Variants in ZNF331 observed in about 807,000 individuals in gnomAD.
ZNF331 encodes the protein zinc finger protein 331.
ZNF331 carries 2 observed loss-of-function variants against 7.0 expected under a neutral mutation model. The observed-to-expected ratio is 0.29, with a 90% CI of 0.12 to 0.90. ZNF331 has a LOEUF of 0.90. ZNF331 is among the 40% of genes least tolerant of loss of function. The probability of loss-of-function intolerance (pLI) is 0.58; values close to 1 mark genes in which losing one functional copy is unlikely to be tolerated. For synonymous variants in ZNF331, 196 were observed against 205.4 expected, an observed-to-expected ratio of 0.95 and a Z score of 0.39; for missense variants, 432 against 587.7, an observed-to-expected ratio of 0.74 and a Z score of 2.74.
intron 2 of ZNF331, among the ~76,000 whole-genome samples, chr19:53,543,099 G>A (rs7254740): frequency 0.09 from 13,472 of 150,364 alleles, 752 homozygotes; most frequent in African/African-American, 0.17. Flanking sequence ...ATGAGCCACC[G>A]CGCCCAGTGG....
chr19:53,504,721 A>G, the ZNF331 span, among the ~76,000 whole-genome samples: 5 of 152,204 alleles, frequency 3.3e-5, no homozygotes, highest in African/African-American at 7.2e-5. Context: ...TAAACTGACA[A>G]TCTTACTTGT....
At chr19:53,528,054 C>G (rs558244668) in intron 2 of ZNF331, among the ~76,000 whole-genome samples, 64 of 152,280 alleles carry the variant, frequency 4.2e-4, no homozygotes, top group African/African-American at 1.5e-3. Context: ...AATAATTACA[C>G]GAATCTCCCA....
intron 2 of ZNF331, among the ~76,000 whole-genome samples, chr19:53,540,729 C>A (rs1480186073): frequency 6.6e-6 from 1 of 151,976 alleles, no homozygotes; most frequent in African/African-American, 2.4e-5. Context: ...AGCCACCGAG[C>A]CTGCCCTGTG....
chr19:53,543,583 A>T (rs2088337411), intron 2 of ZNF331, among the ~76,000 whole-genome samples: 1 of 152,204 alleles, frequency 6.6e-6, no homozygotes. Flanking sequence ...TGAATTTTTT[A>T]AAAATAAAAA....
chr19:53,567,069 T>C (rs1806914982), intron 3 of ZNF331, among the ~76,000 whole-genome samples: 1 of 152,178 alleles, frequency 6.6e-6, no homozygotes, highest in African/African-American at 2.4e-5. Context: ...AACCTAACTT[T>C]ACTGAGAGTA....
At chr19:53,510,989 A>G in the ZNF331 span, among the ~76,000 whole-genome samples, 4 of 152,150 alleles carry the variant, frequency 2.6e-5, no homozygotes, top group African/African-American at 9.7e-5. Flanking sequence ...TGCTGCGTGT[A>G]ATTTAAGGCC....
chr19:53,544,088 G>C (rs1233113886), intron 2 of ZNF331, among the ~76,000 whole-genome samples: 1 of 150,904 alleles, frequency 6.6e-6, no homozygotes, highest in South Asian at 2.1e-4. Context: ...TTGGCTGGGC[G>C]TGGTGGCATG....
intron 2 of ZNF331, among the ~76,000 whole-genome samples, chr19:53,531,731 C>T (rs538689956): frequency 1.3e-5 from 2 of 152,214 alleles, no homozygotes; most frequent in Admixed American, 1.3e-4. Flanking sequence ...TTTCTGTTTA[C>T]TAGATTTTCT....
At position 53,573,386 on chromosome 19, in the gene ZNF331, A is replaced by G. The variant is rs1199302314; in HGVS notation, c.136+1656A>G. ...AAAAATTTGCCGGGTGTGGTGGCGC[A>G]TGCCTGTAATTCCAGCTACTTGGGA... On this transcript the variant is annotated intron_variant, in intron 5 of 5. Transcript: ENST00000449416. The surrounding 1 kb of genome is among the most constrained non-coding windows in gnomAD (Gnocchi z 4.2). Among the ~76,000 whole-genome samples, 2 of 152,096 alleles carry G rather than the reference A, an allele frequency of 1.3e-5. No individual in the cohort carries two copies. Among genetic ancestry groups the G allele is most frequent in the Non-Finnish European group, 2.9e-5 (2 of 68,016 alleles).
At chr19:53,574,392 C>T (rs908241849) in intron 5 of ZNF331, among the ~76,000 whole-genome samples, 1 of 152,106 alleles carries the variant, frequency 6.6e-6, no homozygotes, top group Non-Finnish European at 1.5e-5. Flanking sequence ...GGAGAGCTTT[C>T]TCCAAGAGCT....
At chr19:53,540,544 C>T (rs1403654345) in intron 2 of ZNF331, among the ~76,000 whole-genome samples, 2 of 152,072 alleles carry the variant, frequency 1.3e-5, no homozygotes, top group South Asian at 2.1e-4. Flanking sequence ...GTGATTCTCC[C>T]GCCTCAGCCT....
intron 2 of ZNF331, among the ~76,000 whole-genome samples, chr19:53,541,446 G>GT (rs2088173733): frequency 6.6e-6 from 1 of 151,596 alleles, no homozygotes; most frequent in Non-Finnish European, 1.5e-5. Context: ...GTTTTGTTTT[G>GT]TTTTTTCCTT....
At position 53,579,740 on chromosome 19, in the gene ZNF331, CATAA is replaced by C. The variant is rs1188684193; in HGVS notation, c.*1790_*1793del. ...TTCTTAGTACACAAAACACAGCAAA[CATAA>C]AAAGTTGTTACACTTCATCAAAAGT... On this transcript the variant is annotated 3_prime_UTR_variant, in exon 6 of 6. Coordinates refer to ENST00000449416, the MANE Select transcript of ZNF331 (RefSeq NM_001079906.2). The C allele has an allele frequency of 5.1e-5, 10 of 197,188 alleles. No individual in the cohort carries two copies. Among genetic ancestry groups the C allele is most frequent in the Non-Finnish European group, 7.3e-5 (7 of 95,274 alleles). 12.2% of individuals were successfully genotyped at this position (197,188 alleles called of 1,614,324 possible).
At chr19:53,506,225 C>G in the ZNF331 span, among the ~76,000 whole-genome samples, 1 of 130,720 alleles carries the variant, frequency 7.6e-6, no homozygotes, top group Non-Finnish European at 1.6e-5. Flanking sequence ...ATCCCAGCTA[C>G]TCGGGAGGCT....
chr19:53,550,365 C>T (rs2088900630), intron 2 of ZNF331, among the ~76,000 whole-genome samples: 1 of 151,904 alleles, frequency 6.6e-6, no homozygotes, highest in African/African-American at 2.4e-5. Context: ...AAAATCTAAC[C>T]CTCCCTTGAG....
chr19:53,509,441 T>C, the ZNF331 span, among the ~76,000 whole-genome samples: 4 of 152,124 alleles, frequency 2.6e-5, no homozygotes, highest in Non-Finnish European at 5.9e-5. Flanking sequence ...TCAGAACAGA[T>C]TGCAACACCA....
At chr19:53,506,427 T>TC in the ZNF331 span, among the ~76,000 whole-genome samples, 1 of 94,232 alleles carries the variant, frequency 1.1e-5, no homozygotes, top group African/African-American at 4.8e-5. Context: ...TCTCTCTCTC[T>TC]CTCTCTCTCT....
chr19:53,534,357 AG>A (rs2087657491), upstream of ZNF331, among the ~76,000 whole-genome samples: 1 of 151,974 alleles, frequency 6.6e-6, no homozygotes, highest in Admixed American at 6.6e-5. Context: ...GCACCATCTC[AG>A]CTCACTGCAA....
At chr19:53,527,260 G>T (rs948017161) in intron 2 of ZNF331, among the ~76,000 whole-genome samples, 1 of 152,176 alleles carries the variant, frequency 6.6e-6, no homozygotes, top group Non-Finnish European at 1.5e-5. Context: ...TCAGAGTTAT[G>T]AAGGTGCTGG....
Sources: gnomAD v4.1 joint callset for allele counts (sites outside exome capture counted in the v4.1 genomes callset) on GRCh38, gnomAD v4.1.1 for gene constraint, Gnocchi (gnomAD v3.1) non-coding constraint, MANE v1.5 for transcripts, NCBI Gene and HGNC (gene_info 2026-07-23, HGNC 2026-07-21) for gene names.